Variants in SPNS3 observed in about 807,000 individuals in gnomAD.
SPNS3 encodes SPNS lysolipid transporter 3, sphingosine-1-phosphate (putative), also known as protein spinster homolog 3.
Under a neutral mutation model 54.4 loss-of-function variants are expected in SPNS3, and 51 were observed. That is an observed-to-expected ratio of 0.94 (90% CI 0.75 to 1.18). The LOEUF (loss-of-function observed/expected upper bound fraction) is 1.18. Ranked by LOEUF, SPNS3 falls within the 50% of genes most tolerant of loss-of-function variation. The pLI, the probability that SPNS3 is intolerant of heterozygous loss-of-function variation, is 0.00. For missense variants in SPNS3, 669 were observed against 677.4 expected (o/e 0.99, Z 0.14); for synonymous variants, 309 against 294.7 (o/e 1.05, Z -0.50).
At chr17:4,450,066 C>T (rs1386117296) in intron 7 of SPNS3, among the ~76,000 whole-genome samples, 1 of 151,878 alleles carries the variant, frequency 6.6e-6, no homozygotes, top group Non-Finnish European at 1.5e-5. Context: ...CGGCCTCCTC[C>T]CTGCCTCCAG....
At chr17:4,448,894 G>A (rs1971077217) in intron 6 of SPNS3, among the ~76,000 whole-genome samples, 1 of 152,142 alleles carries the variant, frequency 6.6e-6, no homozygotes, top group African/African-American at 2.4e-5. Context: ...GATGCTGGAT[G>A]GGGGCCTCCC....
intron 9 of SPNS3, among the ~76,000 whole-genome samples, chr17:4,484,088 C>A (rs1202665927): frequency 6.6e-6 from 1 of 152,176 alleles, no homozygotes; most frequent in Admixed American, 6.5e-5. Flanking sequence ...CTCCTCCTTG[C>A]CCATCACAGC....
intron 8 of SPNS3, among the ~76,000 whole-genome samples, chr17:4,454,170 C>T (rs911107184): frequency 3.3e-5 from 5 of 152,224 alleles, no homozygotes; most frequent in African/African-American, 1.2e-4. Flanking sequence ...CCATGAGGCA[C>T]CAAGGTTTAT....
chr17:4,468,167 G>A (rs753609574), intron 8 of SPNS3, among the ~76,000 whole-genome samples: 8 of 152,188 alleles, frequency 5.3e-5, no homozygotes, highest in African/African-American at 1.7e-4. Context: ...CAGGCTGGGC[G>A]TGGAGGCGCA....
intron 1 of SPNS3, among the ~76,000 whole-genome samples, chr17:4,435,354 G>A (rs1970686517): frequency 6.6e-6 from 1 of 150,428 alleles, no homozygotes; most frequent in Non-Finnish European, 1.5e-5. Flanking sequence ...CCTGGGAGGT[G>A]GATGTTGCAG....
At chr17:4,443,305 G>A (rs547701336) in intron 2 of SPNS3, among the ~76,000 whole-genome samples, 22 of 152,148 alleles carry the variant, frequency 1.4e-4, no homozygotes, top group African/African-American at 4.8e-4. Context: ...TCCTGACCTC[G>A]GGTGATCCAC....
At chr17:4,473,698 C>G (rs149094898) in intron 8 of SPNS3, among the ~76,000 whole-genome samples, 4 of 152,150 alleles carry the variant, frequency 2.6e-5, no homozygotes, top group Non-Finnish European at 5.9e-5. Context: ...CCTTCCCAGT[C>G]TTGAAGACTC....
chr17:4,449,773 T>C (rs2144046395), intron 7 of SPNS3, among the ~76,000 whole-genome samples: 1 of 152,182 alleles, frequency 6.6e-6, no homozygotes, highest in East Asian at 1.9e-4. Flanking sequence ...CATCCCATTT[T>C]ACAGATGGCA....
chr17:4,434,188 T>C, intron 1 of SPNS3, 22 bp downstream of exon 1: 1 of 1,591,310 alleles, frequency 6.3e-7, no homozygotes, highest in Non-Finnish European at 8.6e-7. Context: ...ATGGCTACCC[T>C]GGGCAGTACC....
chr17:4,476,805 G>A (rs984283139), intron 8 of SPNS3, among the ~76,000 whole-genome samples: 12 of 152,202 alleles, frequency 7.9e-5, no homozygotes, highest in Non-Finnish European at 1.5e-4. Flanking sequence ...CCCAGGGGCT[G>A]GGTTAGGCCA....
intron 8 of SPNS3, among the ~76,000 whole-genome samples, chr17:4,463,777 A>G (rs993550799): frequency 6.6e-6 from 1 of 151,654 alleles, no homozygotes; most frequent in East Asian, 1.9e-4. Context: ...CATACAATAT[A>G]CATTTAGCAT....
chr17:4,437,535 C>T (rs1234445944), intron 1 of SPNS3, among the ~76,000 whole-genome samples: 5 of 151,580 alleles, frequency 3.3e-5, no homozygotes, highest in African/African-American at 4.8e-5. Flanking sequence ...GGCGTGATGG[C>T]GGGCACCTGT....
intron 8 of SPNS3, among the ~76,000 whole-genome samples, chr17:4,465,137 G>T (rs1390043268): frequency 6.6e-6 from 1 of 152,228 alleles, no homozygotes; most frequent in Non-Finnish European, 1.5e-5. Flanking sequence ...CTGGATAAGG[G>T]TGAGGGGCTG....
intron 8 of SPNS3, 71 bp downstream of exon 8, chr17:4,453,276 G>A (rs1971218595): frequency 7.1e-7 from 1 of 1,413,848 alleles, no homozygotes. Flanking sequence ...ACAGGCTCAT[G>A]CTGCGCCCGG....
At chr17:4,478,521 G>T in intron 8 of SPNS3, 51 bp from the exon 9 acceptor site, 1 of 1,524,132 alleles carries the variant, frequency 6.6e-7, no homozygotes, top group Non-Finnish European at 8.9e-7. Context: ...AACAGGTGGG[G>T]TTGGTGACTG....
At chr17:4,449,147 C>T in intron 6 of SPNS3, 88 bp from the exon 7 acceptor site, 1 of 1,473,440 alleles carries the variant, frequency 6.8e-7, no homozygotes, top group Non-Finnish European at 9.1e-7. Context: ...TGGGAAAGTT[C>T]CTAGACTGCC....
At chr17:4,440,347 C>T (rs1970817976) in intron 2 of SPNS3, among the ~76,000 whole-genome samples, 4 of 152,176 alleles carry the variant, frequency 2.6e-5, no homozygotes, top group Admixed American at 2.6e-4. Context: ...CACATGGTCA[C>T]AACACGTGAT....
At position 4,445,082 on chromosome 17, in the gene SPNS3, G is replaced by A. The variant is rs1031255033; in HGVS notation, c.316G>A (p.Asp106Asn). ...TGCACCTGTGTTTGGCTACCTGGGC[G>A]ACCGACATAGCCGCAAGGCTACCAT... ...LSAPVFGYLG[D>N]RHSRKATMSF... Residue 106 changes from aspartate (D) to asparagine (N), a missense_variant, in exon 3 of 12, where the codon GAC becomes AAC. By Grantham distance (23) the Asp-to-Asn change is conservative (BLOSUM62 1). Coordinates refer to ENST00000355530, the MANE Select transcript of SPNS3 (RefSeq NM_182538.5). 1.8e-5 allele frequency: 29 copies of A among 1,614,008 alleles called. No individual in the cohort carries two copies. Among genetic ancestry groups the A allele is most frequent in the East Asian group, 2.2e-5 (1 of 44,882 alleles).
At chr17:4,434,650 CCA>C (rs1970668311) in intron 1 of SPNS3, among the ~76,000 whole-genome samples, 1 of 151,498 alleles carries the variant, frequency 6.6e-6, no homozygotes, top group Non-Finnish European at 1.5e-5. Flanking sequence ...GCGTGCACCA[CCA>C]CATCCGGCTA....
Sources: allele counts gnomAD v4.1 joint callset (sites outside exome capture counted in the v4.1 genomes callset), GRCh38; gene constraint gnomAD v4.1.1; transcripts MANE v1.5; gene names NCBI Gene and HGNC (gene_info 2026-07-23, HGNC 2026-07-21).